LPGAT1: variants seen among roughly 807,000 people sequenced by gnomAD.
LPGAT1 encodes lysophosphatidylglycerol acyltransferase 1, also known as acyl-CoA:lysophosphatidylglycerol acyltransferase 1.
A neutral mutation model predicts 47.5 loss-of-function variants in LPGAT1; 11 were observed. The ratio of observed to expected loss-of-function variants is 0.23; its 90% CI spans 0.15 to 0.38. The LOEUF is 0.38. Among genes scored for constraint, LPGAT1 ranks in the 10% least tolerant of loss-of-function variants. The probability of loss-of-function intolerance (pLI) is 1.00; values close to 1 mark genes in which losing one functional copy is unlikely to be tolerated. For missense variants in LPGAT1, 293 were observed against 439.0 expected (o/e 0.67, Z 2.97); for synonymous variants, 138 against 144.2 (o/e 0.96, Z 0.31).
At position 211,743,486 on chromosome 1, in the gene LPGAT1, A is replaced by G. The variant is rs1415126090; in HGVS notation, c.*6413T>C. ...GAGAGGTAAAAATTTATTGATTTCT[A>G]TCATATCAGCATGTTATGATATGGT... On this transcript the variant is annotated 3_prime_UTR_variant, in exon 8 of 8. Transcript: ENST00000366997. The G allele has an allele frequency of 6.6e-6, 1 of 152,188 alleles. No homozygotes were observed. Among genetic ancestry groups the G allele is most frequent in the Non-Finnish European group, 1.5e-5 (1 of 68,046 alleles). 9.4% of individuals were successfully genotyped at this position (152,188 alleles called of 1,614,324 possible).
chr1:211,782,255 T>A (rs74944665), intron 5 of LPGAT1, among the ~76,000 whole-genome samples: 2,241 of 152,344 alleles, frequency 0.015, 26 homozygotes, highest in Non-Finnish European at 0.024. Flanking sequence ...TTCTCATTTC[T>A]GGCTAATTCC....
chr1:211,822,281 ATTAT>A (rs1343399102), intron 2 of LPGAT1, among the ~76,000 whole-genome samples: 1 of 152,188 alleles, frequency 6.6e-6, no homozygotes, highest in African/African-American at 2.4e-5. Context: ...TCTAAAATAA[ATTAT>A]TCAATTATAA....
intron 6 of LPGAT1, among the ~76,000 whole-genome samples, chr1:211,774,943 T>C (rs1658335749): frequency 6.6e-6 from 1 of 152,218 alleles, no homozygotes; most frequent in Non-Finnish European, 1.5e-5. Flanking sequence ...AATCTAGATA[T>C]TCTTTTTCTA....
chr1:211,829,614 T>G, intron 1 of LPGAT1: 1 of 1,177,422 alleles, frequency 8.5e-7, no homozygotes, highest in Non-Finnish European at 1.1e-6. Context: ...CCCCGCACCG[T>G]GTCTCACTGC....
rs1660655459 is a variant in LPGAT1 at position 211,829,607 on chromosome 1, C to T, written c.-27-284G>A. The T allele has an allele frequency of 4.2e-6, 5 of 1,193,426 alleles. No individual in the cohort carries two copies. The South Asian group carries it at 1.1e-4, about 26-fold the overall frequency. 73.9% of individuals were successfully genotyped at this position (1,193,426 alleles called of 1,614,324 possible). ...CCATTCAGTAATCGGTGGCCGTCCC[C>T]GCACCGTGTCTCACTGCGGTCGTCT... On this transcript the variant is annotated intron_variant, in intron 1 of 7. Coordinates refer to ENST00000366997, the MANE Select transcript of LPGAT1 (RefSeq NM_014873.3).
rs1176329825 is a variant in LPGAT1, at chr1:211,783,383, C to T, written c.573G>A (p.Arg191=). 1 of 1,614,168 alleles carries T rather than the reference C, an allele frequency of 6.2e-7. No homozygotes were observed. Among genetic ancestry groups the T allele is most frequent in the Admixed American group, 1.7e-5 (1 of 60,020 alleles). The change falls in exon 5 of 8, where the codon AGG becomes AGA. Residue 191 remains arginine, a synonymous_variant. Coordinates refer to ENST00000366997, the MANE Select transcript of LPGAT1 (RefSeq NM_014873.3). ...TGGCAAATGCCTGACTTGTTTCTCG[C>T]CTCTTCCTGAGGAAGCCCCCTTCTG... ...LFPEGGFLRK[R]RETSQAFAKK...
intron 3 of LPGAT1, among the ~76,000 whole-genome samples, chr1:211,791,900 A>C (rs1659134769): frequency 6.6e-6 from 1 of 151,432 alleles, no homozygotes; most frequent in South Asian, 2.1e-4. Flanking sequence ...ATAGTCACTG[A>C]TCATAACTAC....
chr1:211,796,754 AAT>A (rs1218544864), intron 2 of LPGAT1, among the ~76,000 whole-genome samples: 1 of 152,172 alleles, frequency 6.6e-6, no homozygotes, highest in Non-Finnish European at 1.5e-5. Flanking sequence ...ATTATCTTTT[AAT>A]ATTCAGCACA....
chr1:211,829,017 A>T (rs1243955181), intron 2 of LPGAT1, 42 bp downstream of exon 2: 3 of 1,600,214 alleles, frequency 1.9e-6, no homozygotes, highest in Non-Finnish European at 2.6e-6. Context: ...GTTCCTGACA[A>T]ATTTTTTCTT....
At chr1:211,827,643 A>C (rs1417696482) in intron 2 of LPGAT1, among the ~76,000 whole-genome samples, 2 of 152,234 alleles carry the variant, frequency 1.3e-5, no homozygotes, top group African/African-American at 4.8e-5. Context: ...CACTCAAACT[A>C]TACCAAGCCA....
chr1:211,810,306 A>C (rs1203468626), intron 2 of LPGAT1, among the ~76,000 whole-genome samples: 2 of 152,228 alleles, frequency 1.3e-5, no homozygotes, highest in African/African-American at 4.8e-5. Flanking sequence ...TGAAGTAATT[A>C]ATGCAATTCA....
chr1:211,828,959 A>G, intron 2 of LPGAT1, 100 bp downstream of exon 2: 1 of 1,151,492 alleles, frequency 8.7e-7, no homozygotes, highest in South Asian at 1.5e-5. Context: ...TCAATAGTGA[A>G]GACATGAAAG....
intron 7 of LPGAT1, 33 bp from the exon 8 acceptor site, chr1:211,750,083 T>C: frequency 6.3e-7 from 1 of 1,594,300 alleles, no homozygotes. Context: ...TAGTTTGTTT[T>C]ACTGTAATGG....
At position 211,822,615 on chromosome 1, in the gene LPGAT1, A is replaced by C. The variant is rs577203842; in HGVS notation, c.238+6444T>G. ...AACATGGTGAAACCCCATCTCTACT[A>C]AACATACAAAAAATTAGCCAGGCAT... On this transcript the variant is annotated intron_variant, in intron 2 of 7. Coordinates refer to ENST00000366997, the MANE Select transcript of LPGAT1 (RefSeq NM_014873.3). Among the ~76,000 whole-genome samples, 13 of 152,022 alleles carry C rather than the reference A, an allele frequency of 8.6e-5. 1 individual carries two copies. In the South Asian group the frequency reaches 1.2e-3, roughly 15 times the overall value.
At chr1:211,782,005 G>A (rs1051506308) in intron 5 of LPGAT1, among the ~76,000 whole-genome samples, 2 of 152,118 alleles carry the variant, frequency 1.3e-5, no homozygotes, top group African/African-American at 4.8e-5. Context: ...AATACATAAT[G>A]TTACAACTCA....
rs182772838 is a variant in LPGAT1 at position 211,753,890 on chromosome 1, C to T, written c.855-2823G>A. On this transcript the variant is annotated intron_variant, in intron 6 of 7. Coordinates refer to ENST00000366997, the MANE Select transcript of LPGAT1 (RefSeq NM_014873.3). ...CAAGTGGAGTCTGTTGCCTGTTACC[C>T]TCACTGAGGATTATCTCGGCTGGGC... 3.5e-3 allele frequency among the ~76,000 whole-genome samples: 528 copies of T among 152,294 alleles called. 5 individuals are homozygous for T. The highest frequency in any genetic ancestry group is 4.3e-3 in the Non-Finnish European group (290 of 68,014).
chr1:211,816,060 C>A (rs1424209792), intron 2 of LPGAT1, among the ~76,000 whole-genome samples: 1 of 152,026 alleles, frequency 6.6e-6, no homozygotes, highest in African/African-American at 2.4e-5. Context: ...GGATTACAGG[C>A]GTGAGCCACT....
intron 2 of LPGAT1, among the ~76,000 whole-genome samples, chr1:211,813,959 T>C (rs1660086783): frequency 6.6e-6 from 1 of 152,242 alleles, no homozygotes; most frequent in Non-Finnish European, 1.5e-5. Flanking sequence ...AGAGCAATGA[T>C]TCCTAACCTT....
chr1:211,759,383 G>C (rs1657595120), intron 6 of LPGAT1, among the ~76,000 whole-genome samples: 1 of 152,036 alleles, frequency 6.6e-6, no homozygotes, highest in South Asian at 2.1e-4. Context: ...ACCATACCCA[G>C]CTCCTCTTTT....
Sources: gnomAD v4.1 joint callset for allele counts (sites outside exome capture counted in the v4.1 genomes callset) on GRCh38, gnomAD v4.1.1 for gene constraint, MANE v1.5 for transcripts, NCBI Gene and HGNC (gene_info 2026-07-23, HGNC 2026-07-21) for gene names.